Variants in GADL1 observed in about 807,000 individuals in gnomAD.
GADL1 encodes the protein GAD like acidic amino acid decarboxylase 1, also known as acidic amino acid decarboxylase GADL1.
GADL1 carries 71 observed loss-of-function variants against 69.5 expected under a neutral mutation model. That is an observed-to-expected ratio of 1.02 (90% CI 0.84 to 1.25). The LOEUF (loss-of-function observed/expected upper bound fraction) is 1.25. Ranked by LOEUF, GADL1 falls within the 50% of genes most tolerant of loss-of-function variation. GADL1 has a pLI of 0.00. For synonymous variants in GADL1, 254 were observed against 214.4 expected (o/e 1.18, Z -1.62); for missense variants, 737 against 631.8 (o/e 1.17, Z -1.79).
chr3:30,770,130 C>T (rs1696384092), intron 14 of GADL1, among the ~76,000 whole-genome samples: 1 of 152,160 alleles, frequency 6.6e-6, no homozygotes. Context: ...CAATATACTT[C>T]AGTGTATCAC....
chr3:30,807,698 T>C (rs1456370325), intron 11 of GADL1, among the ~76,000 whole-genome samples: 1 of 152,064 alleles, frequency 6.6e-6, no homozygotes, highest in Non-Finnish European at 1.5e-5. Context: ...TCCTGTGTAG[T>C]TGGTGTGGGG....
At chr3:30,744,971 T>C (rs1456807134) in intron 14 of GADL1, among the ~76,000 whole-genome samples, 5 of 152,204 alleles carry the variant, frequency 3.3e-5, no homozygotes, top group Admixed American at 2.0e-4. Flanking sequence ...ATGTAGCATG[T>C]TCTACAACTA....
chr3:30,746,113 C>T lies in GADL1; in HGVS notation c.1393-17698G>A, dbSNP rs575008833. Among the ~76,000 whole-genome samples the T allele has an allele frequency of 2.6e-4, 39 of 152,060 alleles. No individual in the cohort carries two copies. In the East Asian group the frequency reaches 2.9e-3, roughly 11 times the overall value. ...AAGCAATTCTCCTGTCTCAGCCTCC[C>T]GAGTAGCTGGGATTGCAGGTGTGTG... is the stretch of plus-strand genomic sequence containing the variant. On this transcript the variant is annotated intron_variant, in intron 14 of 14. Transcript: ENST00000282538.
intron 6 of GADL1, among the ~76,000 whole-genome samples, chr3:30,847,623 A>G (rs1434060330): frequency 6.6e-6 from 1 of 152,088 alleles, no homozygotes; most frequent in African/African-American, 2.4e-5. Flanking sequence ...TGAGCTGCAA[A>G]GTAGTGTCTT....
chr3:30,744,145 A>G (rs910611058), intron 14 of GADL1, among the ~76,000 whole-genome samples: 1 of 152,212 alleles, frequency 6.6e-6, no homozygotes, highest in African/African-American at 2.4e-5. Flanking sequence ...ACTCAAACTA[A>G]GGTATATTTG....
chr3:30,753,037 C>T (rs1695870288), intron 14 of GADL1, among the ~76,000 whole-genome samples: 1 of 152,142 alleles, frequency 6.6e-6, no homozygotes, highest in Non-Finnish European at 1.5e-5. Flanking sequence ...TCATAACGGG[C>T]ATCTTCTTAA....
At chr3:30,890,233 G>A (rs184691319) in intron 1 of GADL1, among the ~76,000 whole-genome samples, 12 of 152,274 alleles carry the variant, frequency 7.9e-5, no homozygotes, top group African/African-American at 2.6e-4. Context: ...GCATTGTCAT[G>A]ATTCTTGTCA....
chr3:30,875,795 G>C (rs1275251537), intron 1 of GADL1, among the ~76,000 whole-genome samples: 2 of 151,860 alleles, frequency 1.3e-5, no homozygotes, highest in Non-Finnish European at 2.9e-5. Context: ...GTGATGGGTA[G>C]ATACAGACAT....
chr3:30,798,486 AC>A (rs1011384823), intron 12 of GADL1: 3 of 151,934 alleles, frequency 2.0e-5, no homozygotes, highest in Non-Finnish European at 2.9e-5. Context: ...GGGGGAAACC[AC>A]CCCCATGATT....
Position 30,809,767 on chromosome 3 carries a change from A to G in GADL1, c.1051-8679T>C, listed in dbSNP as rs907585548. On this transcript the variant is annotated intron_variant, in intron 11 of 14. Transcript: ENST00000282538. ...AAGTTCATATTTTTATATTACTTGGATTTATTACAAGTATATATTAACAAA... is the reference window on the plus strand; with the variant it reads ...AAGTTCATATTTTTATATTACTTGGGTTTATTACAAGTATATATTAACAAA... Among the ~76,000 whole-genome samples, 4 of 152,178 alleles carry G rather than the reference A, an allele frequency of 2.6e-5. No homozygotes were observed. The East Asian group carries it at 7.7e-4, about 29-fold the overall frequency.
intron 10 of GADL1, 80 bp from the exon 11 acceptor site, chr3:30,834,014 A>G: frequency 9.8e-7 from 1 of 1,020,926 alleles, no homozygotes; most frequent in Non-Finnish European, 1.5e-6. Context: ...CATTATCAAT[A>G]TCTGCATTCA....
At chr3:30,838,253 A>G (rs771706503) in intron 9 of GADL1, among the ~76,000 whole-genome samples, 5 of 152,134 alleles carry the variant, frequency 3.3e-5, no homozygotes, top group Non-Finnish European at 7.4e-5. Flanking sequence ...AAAAAAATTA[A>G]TTTTAAAAAA....
intron 11 of GADL1, among the ~76,000 whole-genome samples, chr3:30,819,852 AG>A (rs1423017205): frequency 1.8e-4 from 28 of 152,074 alleles, no homozygotes; most frequent in African/African-American, 6.8e-4. Flanking sequence ...AATATATTTG[AG>A]AAAATATTGT....
At chr3:30,764,928 T>C (rs1258278772) in intron 14 of GADL1, among the ~76,000 whole-genome samples, 1 of 120,868 alleles carries the variant, frequency 8.3e-6, no homozygotes, top group Non-Finnish European at 1.8e-5. Context: ...TAGAACATCC[T>C]GCAAAGAGGG....
In GADL1 at chr3:30,844,099, A is replaced by G. The variant is rs557511986; in HGVS notation, c.786+111T>C. On this transcript the variant is annotated intron_variant, in intron 8 of 14. Coordinates refer to ENST00000282538, the MANE Select transcript of GADL1 (RefSeq NM_207359.3). The stretch of plus-strand genomic sequence containing the variant: ...TCTCTCCTCTCTCCCACACATAGAA[A>G]TGGTTTTGGCTGTTTGCATTCTCTC... 3 of 763,516 alleles carry G rather than the reference A, an allele frequency of 3.9e-6. No individual in the cohort carries two copies. In the African/African-American group the frequency reaches 5.2e-5, roughly 13 times the overall value. The allele number at this position is 763,516 out of a possible 1,614,324, so 47.3% of individuals were successfully genotyped here. A position where few individuals can be genotyped will look rare whatever the true frequency, so the allele number is the denominator to read the frequency against.
chr3:30,735,833 A>T (rs928631493), intron 14 of GADL1, among the ~76,000 whole-genome samples: 2 of 152,150 alleles, frequency 1.3e-5, no homozygotes, highest in African/African-American at 4.8e-5. Context: ...GCTGAGTGGA[A>T]TAATGGGAAC....
intron 14 of GADL1, among the ~76,000 whole-genome samples, chr3:30,733,112 G>A (rs1327158926): frequency 6.6e-6 from 1 of 151,960 alleles, no homozygotes; most frequent in East Asian, 1.9e-4. Context: ...TTTTTTCAAT[G>A]CATTATAAAC....
intron 8 of GADL1, among the ~76,000 whole-genome samples, chr3:30,839,577 TCTC>T (rs1697934049): frequency 6.8e-6 from 1 of 146,252 alleles, no homozygotes; most frequent in African/African-American, 2.6e-5. Context: ...TGTTTGCTCA[TCTC>T]CTTGTAAAGT....
intron 1 of GADL1, among the ~76,000 whole-genome samples, chr3:30,886,484 C>G (rs780071183): frequency 6.6e-6 from 1 of 152,040 alleles, no homozygotes; most frequent in Non-Finnish European, 1.5e-5. Flanking sequence ...CAAGAGCAAA[C>G]TTGGGCTGGT....
Sources: gnomAD v4.1 joint callset for allele counts (sites outside exome capture counted in the v4.1 genomes callset) on GRCh38, gnomAD v4.1.1 for gene constraint, MANE v1.5 for transcripts, NCBI Gene and HGNC (gene_info 2026-07-23, HGNC 2026-07-21) for gene names.